AMPD3: variants seen among roughly 807,000 people sequenced by gnomAD.
The protein encoded by AMPD3 is adenosine monophosphate deaminase 3.
AMPD3 carries 57 observed loss-of-function variants against 82.3 expected under a neutral mutation model. That is an observed-to-expected ratio of 0.69 (90% CI 0.56 to 0.86). The LOEUF is 0.86. Ranked by LOEUF, AMPD3 falls within the 40% of genes least tolerant of loss-of-function variation. The probability of loss-of-function intolerance (pLI) is 0.00; values close to 1 mark genes in which losing one functional copy is unlikely to be tolerated. For synonymous variants in AMPD3, 381 were observed against 394.7 expected, an observed-to-expected ratio of 0.97 and a Z score of 0.41; for missense variants, 870 against 1,003.8, an observed-to-expected ratio of 0.87 and a Z score of 1.80.
Position 10,490,496 on chromosome 11 carries a change from C to T in AMPD3, c.940-2853C>T, listed in dbSNP as rs188193011. The T allele has an allele frequency of 2.0e-3, 2,000 of 985,424 alleles. 1 individual carries two copies. Among genetic ancestry groups the T allele is most frequent in the Non-Finnish European group, 2.3e-3 (1,891 of 829,906 alleles). The allele number at this position is 985,424 out of a possible 1,614,324, so 61.0% of individuals were successfully genotyped here. On this transcript the variant is annotated intron_variant, in intron 6 of 14. Transcript: ENST00000396553. ...TTAGGTCCCAGGTCTGGAAACTCTG[C>T]TCTTTCTTTACATCTGAGGTCTTAG...
intron 10 of AMPD3, among the ~76,000 whole-genome samples, chr11:10,498,787 T>C (rs1849494242): frequency 6.6e-6 from 1 of 152,168 alleles, no homozygotes; most frequent in African/African-American, 2.4e-5. Flanking sequence ...AGGGGGACAG[T>C]CTCTTTCTCC....
chr11:10,500,219 C>G lies in AMPD3; in HGVS notation c.1691C>G (p.Ala564Gly). The change falls in exon 11 of 15, where the codon GCC (alanine) becomes GGC (glycine). Residue 564 changes from alanine (A) to glycine (G), a missense_variant. Transcript: ENST00000396553. Reference protein sequence around the residue: ...PYSYYLYYMYANIMVLNNLRR... With the variant: ...PYSYYLYYMYGNIMVLNNLRR... ...AGCTACTACCTGTACTACATGTATGCCAACATCATGGTGCTCAACAACCTC... is the reference window on the plus strand; with the variant it reads ...AGCTACTACCTGTACTACATGTATGGCAACATCATGGTGCTCAACAACCTC... 1 of 1,614,244 alleles carries G rather than the reference C, an allele frequency of 6.2e-7. No homozygotes were observed. Among genetic ancestry groups the G allele is most frequent in the East Asian group, 2.2e-5 (1 of 44,878 alleles).
intron 10 of AMPD3, chr11:10,499,768 G>A: frequency 1.0e-6 from 1 of 985,422 alleles, no homozygotes; most frequent in African/African-American, 1.7e-5. Flanking sequence ...AGGGGCAGGT[G>A]GTGGCCATGG....
intron 4 of AMPD3, chr11:10,484,514 T>G (rs544814925): frequency 1.0e-6 from 1 of 984,736 alleles, no homozygotes; most frequent in South Asian, 4.7e-5. Flanking sequence ...ATTGTTGAAG[T>G]GCTAGCCATG....
At chr11:10,454,143 G>A (rs1410165555), upstream of AMPD3, among the ~76,000 whole-genome samples, 1 of 152,188 alleles carries the variant, frequency 6.6e-6, no homozygotes, top group Non-Finnish European at 1.5e-5. Context: ...AGGTGGAATT[G>A]TGAGGTCCTG....
chr11:10,504,650 C>T lies in AMPD3; in HGVS notation c.2118C>T (p.Leu706=), dbSNP rs1394943119. The part of the protein sequence containing the change: ...IARNSVLQSG[L]SHQEKQKFLG... ...GGAACAGCGTGCTGCAGAGCGGCCTCTCGCATCAGGTATGGAGTGTGACGG... is the reference window on the plus strand; with the variant it reads ...GGAACAGCGTGCTGCAGAGCGGCCTTTCGCATCAGGTATGGAGTGTGACGG... The change falls in exon 14 of 15, where the codon CTC becomes CTT. Residue 706 remains leucine (L), a synonymous_variant. Coordinates refer to ENST00000396553, the MANE Select transcript of AMPD3 (RefSeq NM_001025389.2). 1.7e-5 allele frequency: 28 copies of T among 1,614,004 alleles called. No individual in the cohort carries two copies. Among genetic ancestry groups the T allele is most frequent in the Non-Finnish European group, 2.2e-5 (26 of 1,179,994 alleles).
intron 2 of AMPD3, among the ~76,000 whole-genome samples, chr11:10,465,498 A>G (rs1453337467): frequency 1.3e-5 from 2 of 152,244 alleles, no homozygotes; most frequent in African/African-American, 4.8e-5. Flanking sequence ...TGATTTCTGC[A>G]TTTCCAACTG....
chr11:10,500,508 T>G (rs1010147085), intron 11 of AMPD3: 2 of 739,672 alleles, frequency 2.7e-6, no homozygotes, highest in Non-Finnish European at 3.3e-6. Context: ...ATGTACAGTA[T>G]GCAATGCAGC....
intron 8 of AMPD3, chr11:10,495,233 AGGAGGGAAG>A (rs1370585714): frequency 6.1e-6 from 6 of 985,238 alleles, no homozygotes; most frequent in African/African-American, 1.7e-5. Flanking sequence ...TGCAGGAAAG[AGGAGGGAAG>A]GGTATCCACC....
chr11:10,499,986 C>T, intron 10 of AMPD3, 100 bp from the exon 11 acceptor site: 1 of 1,560,548 alleles, frequency 6.4e-7, no homozygotes, highest in Non-Finnish European at 8.7e-7. Context: ...CTGAGGGGCC[C>T]AGACCCACAG....
intron 2 of AMPD3, among the ~76,000 whole-genome samples, chr11:10,463,451 G>C (rs12284970): frequency 6.6e-6 from 1 of 152,200 alleles, no homozygotes; most frequent in African/African-American, 2.4e-5. Context: ...GTCAAGAAGA[G>C]TATGACTGTA....
At chr11:10,500,945 G>T (rs1425475040) in intron 11 of AMPD3, 2 of 985,372 alleles carry the variant, frequency 2.0e-6, no homozygotes, top group African/African-American at 3.5e-5. Context: ...CTAGTTGGTG[G>T]GTGTGGAGGT....
intron 4 of AMPD3, 79 bp from the exon 5 acceptor site, chr11:10,484,741 G>A (rs187749266): frequency 1.9e-5 from 29 of 1,539,422 alleles, no homozygotes; most frequent in Admixed American, 3.3e-5. Context: ...GAAGGCCAGC[G>A]CAGGCCTCCG....
At chr11:10,493,598 T>C (rs747168538) in intron 7 of AMPD3, 55 bp downstream of exon 7, 4 of 1,583,726 alleles carry the variant, frequency 2.5e-6, no homozygotes, top group Non-Finnish European at 2.6e-6. Context: ...GGCTGGGGAC[T>C]CAGCCCCCTG....
intron 13 of AMPD3, chr11:10,504,283 A>T (rs941147125): frequency 1.1e-6 from 1 of 942,192 alleles, no homozygotes; most frequent in Non-Finnish European, 1.3e-6. Context: ...GCCATCCCTG[A>T]TGACTGGCAC....
intron 2 of AMPD3, among the ~76,000 whole-genome samples, chr11:10,467,186 A>G (rs1304747297): frequency 6.6e-6 from 1 of 152,170 alleles, no homozygotes; most frequent in African/African-American, 2.4e-5. Flanking sequence ...TGACAGAAGT[A>G]GGCTTCAGAA....
Position 10,456,691 on chromosome 11 carries a change from C to G in AMPD3, c.-6+1243C>G, listed in dbSNP as rs1384299373. On this transcript the variant is annotated intron_variant, in intron 1 of 14. Transcript: ENST00000396553. The surrounding 1 kb of genome is among the most constrained non-coding windows in gnomAD (Gnocchi z 4.3). ...TCCCAAGCCTGCTGGCTTCAGCTGA[C>G]AAAGGGTTGGAAGCCAGGCGTGAAC... 1.2e-6 allele frequency: 1 copy of G among 867,384 alleles called. No individual in the cohort carries two copies. Among genetic ancestry groups the G allele is most frequent in the Non-Finnish European group, 1.4e-6 (1 of 722,220 alleles). 53.7% of individuals were successfully genotyped at this position (867,384 alleles called of 1,614,324 possible).
Position 10,493,408 on chromosome 11 carries a change from C to G in AMPD3, c.999C>G (p.Ile333Met), listed in dbSNP as rs1391867524. The change falls in exon 7 of 15, where the codon ATC (isoleucine) becomes ATG (methionine). Residue 333 changes from isoleucine (I) to methionine (M), a missense_variant. Physicochemically the swap from Ile to Met is conservative, Grantham distance 10. Transcript: ENST00000396553. Reference protein sequence around the residue: ...CMNQKHLLRFIKHTYQTEPDR... With the variant: ...CMNQKHLLRFMKHTYQTEPDR... ...ACCAAAAGCATCTGCTGCGCTTCAT[C>G]AAGCACACATACCAGACGGAGCCTG... 6.2e-7 allele frequency: 1 copy of G among 1,614,222 alleles called. No homozygotes were observed. The highest frequency in any genetic ancestry group is 1.1e-5 in the South Asian group (1 of 91,088).
At position 10,487,324 on chromosome 11, in the gene AMPD3, T is replaced by C; in HGVS notation, c.899T>C (p.Leu300Ser). ...AACGAAATGTCCGAGTTCAAAGAGT[T>C]GAAGAGTAACCCCCACCGGGACTTC... ...MLNEMSEFKE[L>S]KSNPHRDFYN... The change falls in exon 6 of 15, where the codon TTG becomes TCG. Residue 300 changes from leucine (L) to serine (S), a missense_variant. Transcript: ENST00000396553. 2 of 1,614,100 alleles carry C rather than the reference T, an allele frequency of 1.2e-6. No individual in the cohort carries two copies. The highest frequency in any genetic ancestry group is 1.7e-6 in the Non-Finnish European group (2 of 1,180,002).
Sources: gnomAD v4.1 joint callset for allele counts (sites outside exome capture counted in the v4.1 genomes callset) on GRCh38, gnomAD v4.1.1 for gene constraint, Gnocchi (gnomAD v3.1) non-coding constraint, MANE v1.5 for transcripts, NCBI Gene and HGNC (gene_info 2026-07-23, HGNC 2026-07-21) for gene names.